Variants in QKI observed in about 807,000 individuals in gnomAD.
QKI encodes QKI, KH domain containing RNA binding, also known as KH domain-containing RNA-binding protein QKI.
A neutral mutation model predicts 39.0 loss-of-function variants in QKI; 10 were observed. The observed-to-expected ratio is 0.26, with a 90% CI of 0.16 to 0.43. QKI has a LOEUF of 0.43. Among genes scored for constraint, QKI ranks in the 20% least tolerant of loss-of-function variants. The probability of loss-of-function intolerance (pLI) is 1.00; values close to 1 mark genes in which losing one functional copy is unlikely to be tolerated. For synonymous variants in QKI, 204 were observed against 155.4 expected, an observed-to-expected ratio of 1.31 and a Z score of -2.33; for missense variants, 218 against 428.0, an observed-to-expected ratio of 0.51 and a Z score of 4.33.
intron 1 of QKI, among the ~76,000 whole-genome samples, chr6:163,438,390 A>G (rs183186270): frequency 7.2e-5 from 11 of 152,316 alleles, no homozygotes; most frequent in Non-Finnish European, 1.2e-4. Flanking sequence ...AAAGTCATGC[A>G]TTGCTTAAAG....
chr6:163,535,351 G>A (rs1427702173), intron 4 of QKI, among the ~76,000 whole-genome samples: 1 of 152,050 alleles, frequency 6.6e-6, no homozygotes, highest in Admixed American at 6.5e-5. Context: ...GTGACGTCGC[G>A]TAAGAAATTA....
intron 3 of QKI, among the ~76,000 whole-genome samples, chr6:163,505,341 A>G (rs550628512): frequency 6.6e-6 from 1 of 152,272 alleles, no homozygotes; most frequent in African/African-American, 2.4e-5. Context: ...GAAGAGGGCC[A>G]CCATCCTCCA....
At chr6:163,477,749 A>G (rs1175306362) in intron 2 of QKI, among the ~76,000 whole-genome samples, 1 of 152,198 alleles carries the variant, frequency 6.6e-6, no homozygotes, top group Non-Finnish European at 1.5e-5. Context: ...TTTGAGAATC[A>G]CTTTTCTAAG....
intron 4 of QKI, among the ~76,000 whole-genome samples, chr6:163,551,611 C>A (rs1305423495): frequency 3.9e-5 from 6 of 152,230 alleles, no homozygotes; most frequent in Non-Finnish European, 7.3e-5. Flanking sequence ...AAGTAGCAGT[C>A]ATGACATAAA....
intron 2 of QKI, among the ~76,000 whole-genome samples, chr6:163,461,649 T>C (rs1032445095): frequency 2.6e-5 from 4 of 152,202 alleles, no homozygotes; most frequent in African/African-American, 9.6e-5. Context: ...AGCCAAAGTA[T>C]GTAATATGGA....
chr6:163,455,152 G>C, intron 1 of QKI, 127 bp from the exon 2 acceptor site: 1 of 666,222 alleles, frequency 1.5e-6, no homozygotes. Context: ...GATAGAATAG[G>C]CCAGGAGCTC....
At chr6:163,434,750 A>G (rs1448350906) in intron 1 of QKI, among the ~76,000 whole-genome samples, 10 of 152,072 alleles carry the variant, frequency 6.6e-5, no homozygotes, top group African/African-American at 2.2e-4. Context: ...TTAATTATAT[A>G]GATAATCTTT....
chr6:163,417,454 G>T (rs567694237), intron 1 of QKI, among the ~76,000 whole-genome samples: 4 of 152,196 alleles, frequency 2.6e-5, no homozygotes, highest in Non-Finnish European at 5.9e-5. Context: ...ATACTTTTGC[G>T]TTCTTTAGTT....
At chr6:163,521,213 T>TAGCTATACCTGCTGCCACC (rs1426825122) in intron 3 of QKI, among the ~76,000 whole-genome samples, 5 of 152,136 alleles carry the variant, frequency 3.3e-5, no homozygotes, top group Non-Finnish European at 7.4e-5. Context: ...CTCTTCTTAG[T>TAGCTATACCTGCTGCCACC]AGCTATACCT....
At chr6:163,503,549 T>A (rs1304278266) in intron 3 of QKI, among the ~76,000 whole-genome samples, 1 of 152,146 alleles carries the variant, frequency 6.6e-6, no homozygotes, top group African/African-American at 2.4e-5. Flanking sequence ...TTTCTTTTGC[T>A]GTGCGGAAAC....
At chr6:163,460,333 G>T (rs1394343983) in intron 2 of QKI, among the ~76,000 whole-genome samples, 2 of 152,218 alleles carry the variant, frequency 1.3e-5, no homozygotes, top group Non-Finnish European at 2.9e-5. Flanking sequence ...CAAAGGTTTT[G>T]TAAGACAGAC....
At chr6:163,434,115 T>A (rs1039273075) in intron 1 of QKI, among the ~76,000 whole-genome samples, 3 of 151,994 alleles carry the variant, frequency 2.0e-5, no homozygotes, top group Non-Finnish European at 1.5e-5. Flanking sequence ...GCTGGGGGGA[T>A]ACAAAGATGG....
chr6:163,519,751 A>G (rs1780036884), intron 3 of QKI, among the ~76,000 whole-genome samples: 1 of 152,096 alleles, frequency 6.6e-6, no homozygotes, highest in African/African-American at 2.4e-5. Flanking sequence ...TGCTCTCATA[A>G]TTAACCACAA....
intron 2 of QKI, among the ~76,000 whole-genome samples, chr6:163,470,457 A>G (rs1444698410): frequency 6.6e-6 from 1 of 152,120 alleles, no homozygotes; most frequent in Admixed American, 6.6e-5. Context: ...TCTTTCCTGG[A>G]GGAAGATATT....
rs10533594 is a variant in QKI at position 163,548,170 on chromosome 6, A to ATGTT, written c.546+13059_546+13062dup. 2.4e-3 allele frequency among the ~76,000 whole-genome samples: 368 copies of ATGTT among 151,760 alleles called. 1 individual carries two copies. The highest frequency in any genetic ancestry group is 8.5e-3 in the African/African-American group (351 of 41,404). On this transcript the variant is annotated intron_variant, in intron 4 of 7. Coordinates refer to ENST00000361752, the MANE Select transcript of QKI (RefSeq NM_006775.3). ...AGTGGTGTAGAATTATTAGAACTGA[A>ATGTT]TGTTTGTTTGTTTGTTTATCCCCTT...
intron 6 of QKI, chr6:163,564,231 T>C (rs775609040): frequency 7.0e-5 from 72 of 1,030,034 alleles, no homozygotes; most frequent in Non-Finnish European, 8.2e-5. Context: ...CATGCATCGC[T>C]TAACAACGGG....
At chr6:163,564,546 A>T (rs1011795319) in intron 6 of QKI, 5 of 1,552,956 alleles carry the variant, frequency 3.2e-6, no homozygotes, top group Non-Finnish European at 4.3e-6. Context: ...ATAAATAGCA[A>T]ATCACTGAAT....
chr6:163,537,855 G>A (rs1042920031), intron 4 of QKI, among the ~76,000 whole-genome samples: 1 of 152,024 alleles, frequency 6.6e-6, no homozygotes, highest in Non-Finnish European at 1.5e-5. Flanking sequence ...TCTTTACTTT[G>A]CAGTCTATTG....
At chr6:163,541,690 C>T (rs752418293) in intron 4 of QKI, among the ~76,000 whole-genome samples, 1 of 151,960 alleles carries the variant, frequency 6.6e-6, no homozygotes. Flanking sequence ...CTTATACAAC[C>T]TGTATGAACA....
Sources: gnomAD v4.1 joint callset for allele counts (sites outside exome capture counted in the v4.1 genomes callset) on GRCh38, gnomAD v4.1.1 for gene constraint, MANE v1.5 for transcripts, NCBI Gene and HGNC (gene_info 2026-07-23, HGNC 2026-07-21) for gene names.